The following RAD54L2 variants were observed in gnomAD, a reference collection of about 807,000 sequenced individuals.
The protein encoded by RAD54L2 is helicase ARIP4.
A neutral mutation model predicts 138.4 loss-of-function variants in RAD54L2; 27 were observed. The ratio of observed to expected loss-of-function variants is 0.20; its 90% CI spans 0.14 to 0.27. The LOEUF (loss-of-function observed/expected upper bound fraction) is 0.27, where lower values mean the gene tolerates loss of function less well. Among genes scored for constraint, RAD54L2 ranks in the 10% least tolerant of loss-of-function variants. RAD54L2 has a pLI of 1.00. For synonymous variants in RAD54L2, 644 were observed against 723.2 expected (o/e 0.89, Z 1.76); for missense variants, 1,396 against 1,890.2 (o/e 0.74, Z 4.85).
At chr3:51,659,031 C>CAGAATTG (rs1190398249) in intron 21 of RAD54L2, among the ~76,000 whole-genome samples, 1 of 150,636 alleles carries the variant, frequency 6.6e-6, no homozygotes, top group Non-Finnish European at 1.5e-5. Flanking sequence ...GTTACAGCAG[C>CAGAATTG]AGAATTGAGG....
intron 2 of RAD54L2, among the ~76,000 whole-genome samples, chr3:51,565,682 A>T (rs1387490416): frequency 6.6e-6 from 1 of 152,078 alleles, no homozygotes; most frequent in Non-Finnish European, 1.5e-5. Flanking sequence ...CGTGTTGGCC[A>T]GGCTGGTCTT....
intron 2 of RAD54L2, among the ~76,000 whole-genome samples, chr3:51,570,022 A>G (rs1699301913): frequency 1.3e-5 from 2 of 151,492 alleles, no homozygotes; most frequent in African/African-American, 4.8e-5. Flanking sequence ...TTATAGAGAC[A>G]GGGTCTCACT....
chr3:51,619,272 CG>C lies in RAD54L2; in HGVS notation c.140-8279del, dbSNP rs529403711. Among the ~76,000 whole-genome samples, 445 of 152,098 alleles carry C rather than the reference CG, an allele frequency of 2.9e-3. 1 individual carries two copies. The highest frequency in any genetic ancestry group is 4.8e-3 in the Non-Finnish European group (325 of 67,970). On this transcript the variant is annotated intron_variant, in intron 3 of 22. Coordinates refer to ENST00000684192, the MANE Select transcript of RAD54L2 (RefSeq NM_015106.4). ...TGGGGTTTCACCATGTTGGTCAGGCCGGTCTCGAACTCCTGACCTCGTGATC... is the reference window on the plus strand; with the variant it reads ...TGGGGTTTCACCATGTTGGTCAGGCCGTCTCGAACTCCTGACCTCGTGATC...
At chr3:51,660,607 A>G (rs1033732710) in intron 22 of RAD54L2, among the ~76,000 whole-genome samples, 8 of 135,956 alleles carry the variant, frequency 5.9e-5, no homozygotes, top group Non-Finnish European at 9.3e-5. Context: ...CACCGCGCCC[A>G]GCCTTTTTGT....
At chr3:51,644,264 C>T (rs1214750004) in intron 16 of RAD54L2, among the ~76,000 whole-genome samples, 1 of 152,034 alleles carries the variant, frequency 6.6e-6, no homozygotes, top group Non-Finnish European at 1.5e-5. Context: ...GTTCAAGATA[C>T]TGAGACCTTG....
rs758418479 is a variant in RAD54L2, at chr3:51,662,007, A to G, written c.3410-419A>G. ...TTCCCATTTGTCCCAGTTGTCTTCCATAGCTATGGATTTTGTTTTGTTTTC... is the reference window on the plus strand; with the variant it reads ...TTCCCATTTGTCCCAGTTGTCTTCCGTAGCTATGGATTTTGTTTTGTTTTC... On this transcript the variant is annotated intron_variant, in intron 22 of 22. Transcript: ENST00000684192. This position sits in a 1 kb window ranked among gnomAD's most constrained non-coding sequence, Gnocchi z 4.6. 4.6e-5 allele frequency among the ~76,000 whole-genome samples: 7 copies of G among 152,170 alleles called. No homozygotes were observed. Among genetic ancestry groups the G allele is most frequent in the Non-Finnish European group, 8.8e-5 (6 of 68,024 alleles).
rs1318981255 is a variant in RAD54L2 at position 51,666,534 on chromosome 3, C to T, written c.*3114C>T. 1 of 152,132 alleles carries T rather than the reference C, an allele frequency of 6.6e-6. No individual in the cohort carries two copies. Among genetic ancestry groups the T allele is most frequent in the Non-Finnish European group, 1.5e-5 (1 of 68,022 alleles). The allele number at this position is 152,132 out of a possible 1,614,324, so 9.4% of individuals were successfully genotyped here. ...CCCATTCATCTGGTTTAGCCAAGTT[C>T]TCAGCCTGGGGAACACAGTACTACT... On this transcript the variant is annotated 3_prime_UTR_variant, in exon 23 of 23. Coordinates refer to ENST00000684192, the MANE Select transcript of RAD54L2 (RefSeq NM_015106.4).
At chr3:51,636,944 A>T in intron 10 of RAD54L2, 1 of 572,360 alleles carries the variant, frequency 1.7e-6, no homozygotes. Flanking sequence ...AAAAAGAAAA[A>T]AAAAGAGTCA....
intron 3 of RAD54L2, among the ~76,000 whole-genome samples, chr3:51,623,514 CAG>C (rs1700608978): frequency 6.6e-6 from 1 of 152,170 alleles, no homozygotes; most frequent in Admixed American, 6.5e-5. Context: ...AACTGTGGCT[CAG>C]AGAAGTTGCA....
intron 2 of RAD54L2, among the ~76,000 whole-genome samples, chr3:51,585,560 C>G (rs1400873567): frequency 6.6e-6 from 1 of 152,118 alleles, no homozygotes; most frequent in African/African-American, 2.4e-5. Context: ...ATTAATTCTG[C>G]TGATTGTTGG....
chr3:51,607,750 A>G (rs1700224163), intron 3 of RAD54L2, among the ~76,000 whole-genome samples: 2 of 143,256 alleles, frequency 1.4e-5, no homozygotes, highest in Admixed American at 1.4e-4. Context: ...TACTTCCCAG[A>G]CGGGGTGGCC....
At chr3:51,657,172 G>A (rs1442193797) in intron 20 of RAD54L2, among the ~76,000 whole-genome samples, 1 of 152,138 alleles carries the variant, frequency 6.6e-6, no homozygotes, top group Non-Finnish European at 1.5e-5. Flanking sequence ...CAGGTGTGGG[G>A]TAATGCCAGC....
intron 2 of RAD54L2, among the ~76,000 whole-genome samples, chr3:51,580,642 C>G (rs1364498702): frequency 1.3e-5 from 2 of 152,162 alleles, no homozygotes; most frequent in African/African-American, 4.8e-5. Context: ...AAGACACTCC[C>G]ATCACGTAGG....
intron 2 of RAD54L2, among the ~76,000 whole-genome samples, chr3:51,559,166 G>A (rs958503905): frequency 1.3e-5 from 2 of 152,106 alleles, no homozygotes; most frequent in African/African-American, 4.8e-5. Flanking sequence ...TGTATTAATG[G>A]CGTGAACCAC....
chr3:51,623,400 A>G (rs534354095), intron 3 of RAD54L2, among the ~76,000 whole-genome samples: 44 of 152,292 alleles, frequency 2.9e-4, no homozygotes, highest in African/African-American at 8.2e-4. Flanking sequence ...AGACCATTCA[A>G]TGTAGTTGGG....
At chr3:51,564,881 A>G (rs1699178582) in intron 2 of RAD54L2, among the ~76,000 whole-genome samples, 1 of 152,208 alleles carries the variant, frequency 6.6e-6, no homozygotes, top group African/African-American at 2.4e-5. Flanking sequence ...AGTGCATGTT[A>G]TTTATATGTT....
intron 4 of RAD54L2, 79 bp downstream of exon 4, chr3:51,627,833 G>A: frequency 6.7e-7 from 1 of 1,493,306 alleles, no homozygotes; most frequent in Non-Finnish European, 9.3e-7. Context: ...ATAGCAAAAA[G>A]ACTGATTTGG....
chr3:51,655,290 A>G (rs60123882), intron 19 of RAD54L2, among the ~76,000 whole-genome samples: 23,729 of 152,016 alleles, frequency 0.16, 2,228 homozygotes, highest in South Asian at 0.31. Context: ...CAAAAATCTT[A>G]AATCAGTAGA....
chr3:51,552,228 T>G (rs888095807), intron 2 of RAD54L2, among the ~76,000 whole-genome samples: 1 of 152,178 alleles, frequency 6.6e-6, no homozygotes, highest in Non-Finnish European at 1.5e-5. Flanking sequence ...TTTATTTGTT[T>G]ATTTACCTAG....
Sources: gnomAD v4.1 joint callset for allele counts (sites outside exome capture counted in the v4.1 genomes callset) on GRCh38, gnomAD v4.1.1 for gene constraint, Gnocchi (gnomAD v3.1) non-coding constraint, MANE v1.5 for transcripts, NCBI Gene and HGNC (gene_info 2026-07-23, HGNC 2026-07-21) for gene names.